The following PDE1C variants were observed in gnomAD, a reference collection of about 807,000 sequenced individuals.
PDE1C encodes the protein phosphodiesterase 1C.
A neutral mutation model predicts 93.1 loss-of-function variants in PDE1C; 62 were observed. That is an observed-to-expected ratio of 0.67 (90% CI 0.54 to 0.82). The LOEUF (loss-of-function observed/expected upper bound fraction) is 0.82. Among genes scored for constraint, PDE1C ranks in the 40% least tolerant of loss-of-function variants. The pLI, the probability that PDE1C is intolerant of heterozygous loss-of-function variation, is 0.00. For missense variants in PDE1C, 742 were observed against 884.6 expected, an observed-to-expected ratio of 0.84 and a Z score of 2.04; for synonymous variants, 325 against 310.1, an observed-to-expected ratio of 1.05 and a Z score of -0.50.
the PDE1C span, among the ~76,000 whole-genome samples, chr7:31,679,993 C>G: frequency 6.6e-6 from 1 of 152,166 alleles, no homozygotes; most frequent in African/African-American, 2.4e-5. Context: ...CTGTTCATTC[C>G]CATGTGCTGC....
the PDE1C span, among the ~76,000 whole-genome samples, chr7:31,659,548 C>G: frequency 1.0e-3 from 153 of 152,312 alleles, no homozygotes; most frequent in African/African-American, 3.6e-3. Flanking sequence ...TTGTTCATCA[C>G]TTGGTTGCTA....
intron 7 of PDE1C, among the ~76,000 whole-genome samples, chr7:31,859,824 A>G (rs1036648380): frequency 2.0e-5 from 3 of 152,208 alleles, no homozygotes; most frequent in Non-Finnish European, 4.4e-5. Flanking sequence ...ACTTTCATAT[A>G]TATCTATGTG....
intron 1 of PDE1C, among the ~76,000 whole-genome samples, chr7:32,229,126 G>C (rs1279825405): frequency 6.6e-6 from 1 of 152,194 alleles, no homozygotes; most frequent in African/African-American, 2.4e-5. Context: ...CCTAGAAAAA[G>C]AGAAAGGAAA....
chr7:31,662,383 CATCTCTAACTGTGTGTCCCACCAAGA>C, the PDE1C span, among the ~76,000 whole-genome samples: 1 of 152,196 alleles, frequency 6.6e-6, no homozygotes, highest in Non-Finnish European at 1.5e-5. Context: ...CAGACAGAAT[CATCTCTAACTGTGTGTCCCACCAAGA>C]ATCTCAGTGC....
At chr7:32,392,091 CA>C (rs148839505) in intron 1 of PDE1C, among the ~76,000 whole-genome samples, 1 of 150,900 alleles carries the variant, frequency 6.6e-6, no homozygotes, top group African/African-American at 2.4e-5. Flanking sequence ...TTAAACTATA[CA>C]AAAAAAAGAA....
At chr7:31,887,160 C>T (rs1798057230) in intron 2 of PDE1C, among the ~76,000 whole-genome samples, 1 of 152,100 alleles carries the variant, frequency 6.6e-6, no homozygotes, top group South Asian at 2.1e-4. Flanking sequence ...CTCTCTCTCA[C>T]ATGATGGAAA....
chr7:32,258,007 C>A (rs1809928496), intron 1 of PDE1C, among the ~76,000 whole-genome samples: 1 of 152,228 alleles, frequency 6.6e-6, no homozygotes, highest in African/African-American at 2.4e-5. Flanking sequence ...CTCCAAAGAG[C>A]CAAACAGGCC....
chr7:32,265,476 C>A (rs1004982909), intron 1 of PDE1C, among the ~76,000 whole-genome samples: 2 of 152,108 alleles, frequency 1.3e-5, no homozygotes, highest in Non-Finnish European at 2.9e-5. Context: ...ATGTAATGGA[C>A]GCCACTATAT....
intron 2 of PDE1C, among the ~76,000 whole-genome samples, chr7:31,881,101 T>C (rs1026187255): frequency 8.5e-5 from 13 of 152,264 alleles, no homozygotes; most frequent in Admixed American, 8.5e-4. Context: ...TAGCTAGCTT[T>C]TATCTTTATG....
intron 1 of PDE1C, among the ~76,000 whole-genome samples, chr7:32,060,704 C>G (rs1216202381): frequency 7.4e-6 from 1 of 134,552 alleles, no homozygotes; most frequent in Non-Finnish European, 1.7e-5. Context: ...GTGCTTTGAA[C>G]GATTCTTTCA....
At chr7:31,823,638 A>G (rs1181431888) in intron 13 of PDE1C, among the ~76,000 whole-genome samples, 1 of 151,992 alleles carries the variant, frequency 6.6e-6, no homozygotes, top group African/African-American at 2.4e-5. Context: ...CACTTTTCCA[A>G]GTTACCTAGC....
chr7:31,896,813 A>G (rs984239905), intron 2 of PDE1C, among the ~76,000 whole-genome samples: 1 of 152,214 alleles, frequency 6.6e-6, no homozygotes, highest in Non-Finnish European at 1.5e-5. Flanking sequence ...AAGTAATTGG[A>G]ATAATTAAGC....
intron 3 of PDE1C, among the ~76,000 whole-genome samples, chr7:32,156,648 CCA>C (rs944756830): frequency 6.6e-6 from 1 of 152,028 alleles, no homozygotes; most frequent in Non-Finnish European, 1.5e-5. Flanking sequence ...AAAGAAGAGT[CCA>C]GAGTCTACAC....
intron 3 of PDE1C, among the ~76,000 whole-genome samples, chr7:32,111,446 A>G (rs1199919469): frequency 6.6e-6 from 1 of 152,192 alleles, no homozygotes; most frequent in African/African-American, 2.4e-5. Context: ...TCCTTCCCCC[A>G]TCATGAGATG....
At chr7:32,189,150 A>G (rs1382899653) in intron 2 of PDE1C, among the ~76,000 whole-genome samples, 1 of 152,182 alleles carries the variant, frequency 6.6e-6, no homozygotes, top group Non-Finnish European at 1.5e-5. Context: ...CCAAGAGGAA[A>G]GGTCTCCATT....
the PDE1C span, among the ~76,000 whole-genome samples, chr7:31,671,429 G>T: frequency 1.3e-5 from 2 of 152,274 alleles, no homozygotes; most frequent in Admixed American, 6.5e-5. Context: ...ACCTGCAAAG[G>T]GGTCAGGGAG....
At position 31,850,753 on chromosome 7, in the gene PDE1C, T is replaced by C. The variant is rs1205260936; in HGVS notation, c.751-12A>G. 6.4e-7 allele frequency: 1 copy of C among 1,568,234 alleles called. No individual in the cohort carries two copies. The highest frequency in any genetic ancestry group is 1.7e-5 in the Admixed American group (1 of 59,888). On this transcript the variant is annotated splice_polypyrimidine_tract_variant and intron_variant, in intron 7 of 17. Coordinates refer to ENST00000396191, the MANE Select transcript of PDE1C (RefSeq NM_001191057.4). ...TCCGTCAGCCAGTTCTGAAAGGAGA[T>C]TACAGAGCAATCAGATAATCTGTTT...
intron 2 of PDE1C, among the ~76,000 whole-genome samples, chr7:32,206,685 C>T (rs73689081): frequency 0.04 from 6,116 of 152,254 alleles, 417 homozygotes; most frequent in African/African-American, 0.14. Flanking sequence ...ATGTGAGGTG[C>T]CCACCATGCA....
At position 32,205,702 on chromosome 7, in the gene PDE1C, A is replaced by G. The variant is rs562031753; in HGVS notation, c.136+3787T>C. The stretch of plus-strand genomic sequence containing the variant: ...CCTGCTGCTGGCTTTTTAGGTCTGC[A>G]CTACCTTTATGAGCTGTAACACTCA... On this transcript the variant is annotated intron_variant, in intron 2 of 18. Coordinates refer to the PDE1C transcript ENST00000396193. 3.9e-5 allele frequency among the ~76,000 whole-genome samples: 6 copies of G among 152,236 alleles called. No homozygotes were observed. The South Asian group carries it at 6.2e-4, about 16-fold the overall frequency.
Sources: gnomAD v4.1 joint callset for allele counts (sites outside exome capture counted in the v4.1 genomes callset) on GRCh38, gnomAD v4.1.1 for gene constraint, MANE v1.5 for transcripts, NCBI Gene and HGNC (gene_info 2026-07-23, HGNC 2026-07-21) for gene names.